The following SURF1 variants were observed in gnomAD, a reference collection of about 807,000 sequenced individuals.
SURF1 encodes surfeit locus protein 1.
SURF1 carries 45 observed loss-of-function variants against 34.1 expected under a neutral mutation model. The ratio of observed to expected loss-of-function variants is 1.32; its 90% CI spans 1.04 to 1.69. SURF1 has a LOEUF of 1.69. Ranked by LOEUF, SURF1 falls within the 40% of genes most tolerant of loss-of-function variation. The pLI, the probability that SURF1 is intolerant of heterozygous loss-of-function variation, is 0.00. For synonymous variants in SURF1, 188 were observed against 147.5 expected, an observed-to-expected ratio of 1.27 and a Z score of -1.99; for missense variants, 456 against 384.6, an observed-to-expected ratio of 1.19 and a Z score of -1.55.
At chr9:133,352,323 T>C (rs1015655953) in intron 7 of SURF1, 123 bp downstream of exon 7, 2 of 1,538,900 alleles carry the variant, frequency 1.3e-6, no homozygotes, top group Non-Finnish European at 1.8e-6. Context: ...TGCTGCCTCC[T>C]CCCACCCGCC....
chr9:133,352,882 A>G (rs896830240), intron 5 of SURF1, 116 bp from the exon 6 acceptor site: 3 of 1,203,472 alleles, frequency 2.5e-6, no homozygotes, highest in Non-Finnish European at 3.6e-6. Context: ...CTTTTAAAAC[A>G]GGGCTGGCTC....
Position 133,351,863 on chromosome 9 carries a change from A to C in SURF1, c.*50T>G. On this transcript the variant is annotated 3_prime_UTR_variant, in exon 9 of 9. Coordinates refer to ENST00000371974, the MANE Select transcript of SURF1 (RefSeq NM_003172.4). ...GTAGCACATGATCCAGCATAAAGGC[A>C]GTCTTGAAATACTGCATTATCCAGG... 6.3e-7 allele frequency: 1 copy of C among 1,578,218 alleles called. No individual in the cohort carries two copies. The highest frequency in any genetic ancestry group is 8.7e-7 in the Non-Finnish European group (1 of 1,153,302).
At chr9:133,356,161 C>A (rs2130024386) in intron 2 of SURF1, 108 bp downstream of exon 2, 110 of 1,406,598 alleles carry the variant, frequency 7.8e-5, no homozygotes, top group Non-Finnish European at 1.0e-4. Context: ...CTCCGCTCAG[C>A]CGGCAGTTGG....
intron 4 of SURF1, chr9:133,354,284 T>C (rs1476587271): frequency 2.0e-6 from 1 of 489,966 alleles, no homozygotes; most frequent in Non-Finnish European, 3.7e-6. Flanking sequence ...GGGCATATTC[T>C]AGGGAGAGAG....
At position 133,356,359 on chromosome 9, in the gene SURF1, T is replaced by TCCCCACG. The variant is rs1554768997; in HGVS notation, c.54+40_55-39insCGTGGGG. 924 of 898,826 alleles carry TCCCCACG rather than the reference T, an allele frequency of 1.0e-3. 3 individuals carry two copies. Among genetic ancestry groups the TCCCCACG allele is most frequent in the Middle Eastern group, 7.6e-3 (23 of 3,038 alleles). The allele number at this position is 898,826 out of a possible 1,614,324, so 55.7% of individuals were successfully genotyped here. On this transcript the variant is annotated intron_variant, in intron 1 of 8. Transcript: ENST00000371974. ...CGGGCGGGCTGAGCTCCGGGACCCC[T>TCCCCACG]CCCCGCGCCCCGCACCCCGCACCCC...
Position 133,356,421 on chromosome 9 carries a change from C to T in SURF1, c.33G>A (p.Leu11=). The change falls in exon 1 of 9, where the codon CTG becomes CTA. Residue 11 remains leucine, a synonymous_variant. Coordinates refer to ENST00000371974, the MANE Select transcript of SURF1 (RefSeq NM_003172.4). The part of the protein sequence containing the change: MAAVAALQLG[L]RAAGLGRAPA... ...TCACCCGTCCCAGCCCCGCCGCCCG[C>T]AGCCCCAGCTGCAACGCAGCCACCG... 1 of 1,389,360 alleles carries T rather than the reference C, an allele frequency of 7.2e-7. No individual in the cohort carries two copies. The highest frequency in any genetic ancestry group is 3.0e-5 in the Admixed American group (1 of 33,488). The allele number at this position is 1,389,360 out of a possible 1,614,324, so 86.1% of individuals were successfully genotyped here.
chr9:133,352,533 G>T lies in SURF1; in HGVS notation c.664C>A (p.Pro222Thr). ...CGATAATGCCAGTGGTTCCTTTCTG[G>T]ATTGTTCTCAGGGACAAAAGGCTGC... ...TRQPFVPENN[P>T]ERNHWHYRDL... The change falls in exon 7 of 9, where the codon CCA becomes ACA. Residue 222 changes from proline (P) to threonine (T), a missense_variant. Coordinates refer to ENST00000371974, the MANE Select transcript of SURF1 (RefSeq NM_003172.4). 1 of 1,614,184 alleles carries T rather than the reference G, an allele frequency of 6.2e-7. No individual in the cohort carries two copies. Among genetic ancestry groups the T allele is most frequent in the Non-Finnish European group, 8.5e-7 (1 of 1,180,044 alleles).
rs1836498485 is a variant in SURF1 at position 133,353,812 on chromosome 9, A to G, written c.452T>C (p.Leu151Pro). 2 of 1,613,694 alleles carry G rather than the reference A, an allele frequency of 1.2e-6. No homozygotes were observed. Among genetic ancestry groups the G allele is most frequent in the African/African-American group, 2.7e-5 (2 of 74,928 alleles). Reference protein sequence around the residue: ...DPVREAREGGLISSSTQSGAY... With the variant: ...DPVREAREGGPISSSTQSGAY... ...CCCACTCTGAGTTGAGGAGGAGATG[A>G]GGCCGCCCTCCCGGGCCTCCCGGAC... Residue 151 changes from leucine (L) to proline (P), a missense_variant, in exon 5 of 9, where the codon CTC becomes CCC. Coordinates refer to ENST00000371974, the MANE Select transcript of SURF1 (RefSeq NM_003172.4).
chr9:133,356,010 T>C (rs2130023808), intron 2 of SURF1: 3 of 569,006 alleles, frequency 5.3e-6, no homozygotes, highest in Non-Finnish European at 9.4e-6. Context: ...CGGAAGTAAC[T>C]CTCGAGCCTT....
chr9:133,352,363 T>C (rs1285374385), intron 7 of SURF1, 83 bp downstream of exon 7: 10 of 1,599,180 alleles, frequency 6.3e-6, no homozygotes, highest in Non-Finnish European at 7.7e-6. Flanking sequence ...TAAGCCACAG[T>C]AGTGACTGGG....
Position 133,352,397 on chromosome 9 carries a change from A to G in SURF1, c.751+49T>C, listed in dbSNP as rs2130006571. On this transcript the variant is annotated intron_variant, in intron 7 of 8. Coordinates refer to ENST00000371974, the MANE Select transcript of SURF1 (RefSeq NM_003172.4). Reference sequence around the variant, plus strand: ...GGCAATGAGGGTTAGGAGGAAGGACAGTATTCACAAAAGCTACTTGTTCCG... The same window carrying G: ...GGCAATGAGGGTTAGGAGGAAGGACGGTATTCACAAAAGCTACTTGTTCCG... The G allele has an allele frequency of 6.8e-6, 11 of 1,613,634 alleles. No homozygotes were observed. In the Admixed American group the frequency reaches 1.2e-4, roughly 17 times the overall value.
intron 5 of SURF1, among the ~76,000 whole-genome samples, chr9:133,353,014 T>C (rs2130011500): frequency 6.6e-6 from 1 of 152,304 alleles, no homozygotes; most frequent in East Asian, 1.9e-4. Context: ...CCCTTCTATC[T>C]CTGCTTCTTG....
chr9:133,354,605 C>A (rs1056982511), intron 4 of SURF1, 54 bp downstream of exon 4: 69 of 1,594,542 alleles, frequency 4.3e-5, no homozygotes, highest in Non-Finnish European at 5.9e-5. Context: ...GAAGCCAGGG[C>A]TCTGCTGTTG....
Position 133,356,330 on chromosome 9 carries a change from C to A in SURF1, c.55-10G>T. On this transcript the variant is annotated splice_polypyrimidine_tract_variant and intron_variant, in intron 1 of 8. Coordinates refer to ENST00000371974, the MANE Select transcript of SURF1 (RefSeq NM_003172.4). The stretch of plus-strand genomic sequence containing the variant: ...CGGCGCTGGCCGGGGCCTGCGGACA[C>A]GGACGGGCGGGCTGAGCTCCGGGAC... The A allele has an allele frequency of 6.6e-7, 1 of 1,511,686 alleles. No homozygotes were observed. Among genetic ancestry groups the A allele is most frequent in the Non-Finnish European group, 8.8e-7 (1 of 1,137,656 alleles). 93.6% of individuals were successfully genotyped at this position (1,511,686 alleles called of 1,614,324 possible).
Position 133,353,194 on chromosome 9 carries a change from G to A in SURF1, c.516-428C>T, listed in dbSNP as rs933746720. ...CCAGCCTGCTGGAGATGAGTACTTG[G>A]GCCCCATCCCAGCCCTAAAACAGGA... On this transcript the variant is annotated intron_variant, in intron 5 of 8. Transcript: ENST00000371974. 5.3e-5 allele frequency among the ~76,000 whole-genome samples: 8 copies of A among 152,136 alleles called. No individual in the cohort carries two copies. The South Asian group carries it at 1.4e-3, about 28-fold the overall frequency.
Position 133,356,064 on chromosome 9 carries a change from G to A in SURF1, c.106+205C>T, listed in dbSNP as rs2130024024. 4.6e-4 allele frequency: 312 copies of A among 674,260 alleles called. 5 individuals are homozygous for A. The highest frequency in any genetic ancestry group is 4.1e-3 in the South Asian group (236 of 57,188). 41.8% of individuals were successfully genotyped at this position (674,260 alleles called of 1,614,324 possible). A position where few individuals can be genotyped will look rare whatever the true frequency, so the allele number is the denominator to read the frequency against. ...ACCAAGGAGCTACCTCTCGCGTTGT[G>A]AGGACAAAGCGCTCGCTACATGCCC... On this transcript the variant is annotated intron_variant, in intron 2 of 8. Coordinates refer to ENST00000371974, the MANE Select transcript of SURF1 (RefSeq NM_003172.4).
chr9:133,353,923 T>C lies in SURF1; in HGVS notation c.341A>G (p.Asn114Ser). The stretch of plus-strand genomic sequence containing the variant: ...GACCTTCACTGGCCTATACTCCAGA[T>C]TTTTCAGTTCCATTGGGCTGCATGG... ...PLPADPMELK[N>S]LEYRPVKVRG... The change falls in exon 5 of 9, where the codon AAT becomes AGT. Residue 114 changes from asparagine (N) to serine (S), a missense_variant. Physicochemically the swap from Asn to Ser is conservative, Grantham distance 46 (BLOSUM62 1). Transcript: ENST00000371974. The C allele has an allele frequency of 6.2e-7, 1 of 1,613,842 alleles. No individual in the cohort carries two copies. Among genetic ancestry groups the C allele is most frequent in the African/African-American group, 1.3e-5 (1 of 75,050 alleles).
chr9:133,355,034 C>G (rs968905714), intron 2 of SURF1, 77 bp from the exon 3 acceptor site: 8 of 1,591,704 alleles, frequency 5.0e-6, no homozygotes, highest in Non-Finnish European at 6.8e-6. Flanking sequence ...CCAAGACAGA[C>G]TCCAGTACTG....
intron 7 of SURF1, 137 bp downstream of exon 7, chr9:133,352,309 G>C (rs1588689274): frequency 6.8e-7 from 1 of 1,469,310 alleles, no homozygotes; most frequent in East Asian, 2.3e-5. Context: ...GTTCTTTGCT[G>C]AGTTGCTGCC....
Sources: allele counts gnomAD v4.1 joint callset (sites outside exome capture counted in the v4.1 genomes callset), GRCh38; gene constraint gnomAD v4.1.1; transcripts MANE v1.5; gene names NCBI Gene and HGNC (gene_info 2026-07-23, HGNC 2026-07-21).